Variants in WWOX observed in about 807,000 individuals in gnomAD.
WWOX encodes the protein WW domain containing oxidoreductase.
In WWOX, 69 loss-of-function variants were observed where a neutral mutation model predicts 46.2. That is an observed-to-expected ratio of 1.49 (90% CI 1.23 to 1.82). The LOEUF is 1.82. Ranked by LOEUF, WWOX falls within the 40% of genes most tolerant of loss-of-function variation. The probability of loss-of-function intolerance (pLI) is 0.00; values close to 1 mark genes in which losing one functional copy is unlikely to be tolerated. For missense variants in WWOX, 919 were observed against 542.6 expected (o/e 1.69, Z -6.89); for synonymous variants, 359 against 202.6 (o/e 1.77, Z -6.56).
chr16:79,199,808 C>T (rs1455154347), intron 8 of WWOX, among the ~76,000 whole-genome samples: 1 of 152,160 alleles, frequency 6.6e-6, no homozygotes, highest in East Asian at 1.9e-4. Context: ...TCGCTGACAC[C>T]TCCCTGAGTA....
intron 7 of WWOX, among the ~76,000 whole-genome samples, chr16:78,426,472 G>A (rs369471111): frequency 1.9e-4 from 29 of 152,260 alleles, no homozygotes; most frequent in African/African-American, 7.0e-4. Context: ...TGTAATTCAT[G>A]CCTACTTCAG....
At chr16:78,724,599 G>A (rs1306781347) in intron 8 of WWOX, among the ~76,000 whole-genome samples, 5 of 152,298 alleles carry the variant, frequency 3.3e-5, no homozygotes, top group South Asian at 2.1e-4. Context: ...CCACTTATGT[G>A]TAGTCCCCTA....
intron 8 of WWOX, among the ~76,000 whole-genome samples, chr16:79,060,881 T>C (rs1464831771): frequency 3.9e-5 from 6 of 152,218 alleles, no homozygotes; most frequent in Non-Finnish European, 7.3e-5. Flanking sequence ...GCTTATTGTA[T>C]GCCATGGGCC....
chr16:78,474,541 C>G (rs577025843), intron 8 of WWOX, among the ~76,000 whole-genome samples: 1 of 152,324 alleles, frequency 6.6e-6, no homozygotes, highest in Admixed American at 6.5e-5. Context: ...GTTACTCAAA[C>G]GACAGTCCGT....
chr16:78,595,568 C>G (rs969949966), intron 8 of WWOX, among the ~76,000 whole-genome samples: 11 of 152,242 alleles, frequency 7.2e-5, no homozygotes, highest in African/African-American at 2.7e-4. Flanking sequence ...CCACAGTTAG[C>G]TATCAGAGAT....
rs143658972 is a variant in WWOX at position 78,320,274 on chromosome 16, G to A, written c.517-66586G>A. On this transcript the variant is annotated intron_variant, in intron 5 of 8. Transcript: ENST00000566780. ...GTGGAAGAGTACACAAGCATTATAA[G>A]CAATTTTACCTGCATTTACTCAACA... 3.9e-3 allele frequency among the ~76,000 whole-genome samples: 599 copies of A among 152,250 alleles called. 5 individuals carry two copies. The highest frequency in any genetic ancestry group is 5.4e-3 in the Non-Finnish European group (366 of 68,016).
At chr16:78,883,444 C>T (rs1280997662) in intron 8 of WWOX, among the ~76,000 whole-genome samples, 1 of 152,172 alleles carries the variant, frequency 6.6e-6, no homozygotes, top group Non-Finnish European at 1.5e-5. Context: ...ATACCATGGG[C>T]TGGGCATGGT....
At chr16:79,142,047 A>G (rs1367167610) in intron 8 of WWOX, among the ~76,000 whole-genome samples, 1 of 152,166 alleles carries the variant, frequency 6.6e-6, no homozygotes, top group East Asian at 1.9e-4. Flanking sequence ...TAAGAGGTAT[A>G]TATCTTACCT....
At chr16:78,101,247 C>G (rs1032090321) in intron 1 of WWOX, among the ~76,000 whole-genome samples, 9 of 150,816 alleles carry the variant, frequency 6.0e-5, no homozygotes, top group Admixed American at 5.3e-4. Flanking sequence ...CGGGGTTTCA[C>G]CGTGTTAGCC....
rs149769948 is a variant in WWOX, at chr16:78,757,005, CCAACAGCCAT to C, written c.1056+324254_1056+324263del. The C allele has an allele frequency of 2.2e-3, 1,533 of 702,880 alleles. 15 individuals are homozygous for C. In the African/African-American group the frequency reaches 0.024, roughly 11 times the overall value. 43.5% of individuals were successfully genotyped at this position (702,880 alleles called of 1,614,324 possible). A position where few individuals can be genotyped will look rare whatever the true frequency, so the allele number is the denominator to read the frequency against. ...CCGTGTAGAAGAACTGAGCCTCCTG[CCAACAGCCAT>C]GTGAGTGAACCACGTTCGAAGTTGA... On this transcript the variant is annotated intron_variant, in intron 8 of 8. Coordinates refer to ENST00000566780, the MANE Select transcript of WWOX (RefSeq NM_016373.4).
At chr16:78,251,146 T>C (rs554607390) in intron 5 of WWOX, among the ~76,000 whole-genome samples, 61 of 152,322 alleles carry the variant, frequency 4.0e-4, no homozygotes, top group African/African-American at 1.5e-3. Context: ...GGGAGTGGAA[T>C]AACTTGCCTA....
intron 8 of WWOX, among the ~76,000 whole-genome samples, chr16:78,784,720 G>C (rs1453260862): frequency 1.3e-5 from 2 of 152,200 alleles, no homozygotes; most frequent in Non-Finnish European, 2.9e-5. Flanking sequence ...TCAGGTGGTT[G>C]ATGAGTTGGG....
chr16:78,692,801 T>G (rs1003071468), intron 8 of WWOX, among the ~76,000 whole-genome samples: 4 of 152,216 alleles, frequency 2.6e-5, no homozygotes, highest in African/African-American at 9.6e-5. Context: ...CAGAGTTCAT[T>G]TGAAGTCATT....
chr16:78,742,009 C>T (rs1050999181), intron 8 of WWOX, among the ~76,000 whole-genome samples: 1 of 152,124 alleles, frequency 6.6e-6, no homozygotes, highest in African/African-American at 2.4e-5. Context: ...TCCTCTCTTC[C>T]CACCCCCTAC....
chr16:79,150,848 G>A (rs141414346), intron 8 of WWOX, among the ~76,000 whole-genome samples: 93 of 152,170 alleles, frequency 6.1e-4, no homozygotes, highest in African/African-American at 9.4e-4. Context: ...AAATCATTGC[G>A]TAGGCCACTT....
intron 8 of WWOX, among the ~76,000 whole-genome samples, chr16:79,119,059 A>G (rs915830839): frequency 1.3e-5 from 2 of 152,216 alleles, no homozygotes; most frequent in Non-Finnish European, 2.9e-5. Flanking sequence ...TTACTAGGTC[A>G]AAGGTTGGGC....
chr16:79,114,909 C>T lies in WWOX; in HGVS notation c.1057-96699C>T, dbSNP rs115696224. On this transcript the variant is annotated intron_variant, in intron 8 of 8. Coordinates refer to ENST00000566780, the MANE Select transcript of WWOX (RefSeq NM_016373.4). ...GTTTCCCAGCCCATTGGTGATGACA[C>T]AGAGGCAGGAGCCGGGGCTGCAGAC... Among the ~76,000 whole-genome samples the T allele has an allele frequency of 5.6e-3, 851 of 152,334 alleles. 6 individuals carry two copies. Among genetic ancestry groups the T allele is most frequent in the African/African-American group, 0.02 (813 of 41,590 alleles).
At chr16:79,063,433 G>A (rs901836284) in intron 8 of WWOX, among the ~76,000 whole-genome samples, 4 of 152,128 alleles carry the variant, frequency 2.6e-5, no homozygotes, top group Non-Finnish European at 5.9e-5. Flanking sequence ...TAGTCAAAAC[G>A]ATATAAACTA....
chr16:78,873,199 G>A (rs536050683), intron 8 of WWOX: 14 of 152,244 alleles, frequency 9.2e-5, no homozygotes, highest in African/African-American at 3.1e-4. Context: ...CACTTATTAT[G>A]TATGTGCTTT....
Sources: gnomAD v4.1 joint callset for allele counts (sites outside exome capture counted in the v4.1 genomes callset) on GRCh38, gnomAD v4.1.1 for gene constraint, MANE v1.5 for transcripts, NCBI Gene and HGNC (gene_info 2026-07-23, HGNC 2026-07-21) for gene names.